The following MUCL1 variants were observed in gnomAD, a reference collection of about 807,000 sequenced individuals.
MUCL1 encodes the protein mucin like 1.
Under a neutral mutation model 9.2 loss-of-function variants are expected in MUCL1, and 11 were observed. The ratio of observed to expected loss-of-function variants is 1.19; its 90% CI spans 0.75 to 1.97. The LOEUF (loss-of-function observed/expected upper bound fraction) is 1.97, where lower values mean the gene tolerates loss of function less well. Among genes scored for constraint, MUCL1 ranks in the 30% most tolerant of loss-of-function variants. MUCL1 has a pLI of 0.00. For missense variants in MUCL1, 144 were observed against 110.9 expected (o/e 1.30, Z -1.34); for synonymous variants, 48 against 40.5 (o/e 1.19, Z -0.71).
upstream of MUCL1, among the ~76,000 whole-genome samples, chr12:54,838,144 AGCATTT>A: frequency 6.6e-6 from 1 of 152,204 alleles, no homozygotes; most frequent in East Asian, 1.9e-4. Context: ...AAACTCCCTC[AGCATTT>A]GCTTGTCTGA....
intron 1 of MUCL1, among the ~76,000 whole-genome samples, chr12:54,848,304 G>C (rs1368776698): frequency 2.0e-5 from 3 of 152,188 alleles, no homozygotes; most frequent in African/African-American, 7.2e-5. Context: ...CTACATTAGA[G>C]TGTGCAGTAA....
chr12:54,841,383 G>A (rs556075090), intron 1 of MUCL1, among the ~76,000 whole-genome samples: 2 of 152,208 alleles, frequency 1.3e-5, no homozygotes, highest in Middle Eastern at 3.4e-3. Context: ...GGGTCATATG[G>A]TAGTTATTTT....
upstream of MUCL1, among the ~76,000 whole-genome samples, chr12:54,853,218 G>A (rs774105539): frequency 1.3e-5 from 2 of 152,184 alleles, no homozygotes; most frequent in African/African-American, 4.8e-5. Flanking sequence ...GAACTTTAAA[G>A]CAAGGGAAAT....
upstream of MUCL1, among the ~76,000 whole-genome samples, chr12:54,852,796 C>T (rs186263021): frequency 3.9e-4 from 59 of 152,232 alleles, no homozygotes; most frequent in Admixed American, 2.5e-3. Flanking sequence ...TTATTCCCTA[C>T]GGGGTATAAT....
chr12:54,849,498 T>G (rs1959305358), intron 1 of MUCL1, among the ~76,000 whole-genome samples: 1 of 152,062 alleles, frequency 6.6e-6, no homozygotes, highest in Admixed American at 6.6e-5. Context: ...AGAGCAGTAG[T>G]AAAAAGTTTT....
intron 3 of MUCL1, 29 bp from the exon 4 acceptor site, chr12:54,858,164 C>T (rs769091768): frequency 2.5e-6 from 4 of 1,612,380 alleles, no homozygotes; most frequent in Non-Finnish European, 3.4e-6. Context: ...TTTGTCGAAG[C>T]CCCTTGACAA....
intron 1 of MUCL1, among the ~76,000 whole-genome samples, chr12:54,832,045 T>C (rs1292936793): frequency 6.6e-6 from 1 of 152,062 alleles, no homozygotes; most frequent in Non-Finnish European, 1.5e-5. Flanking sequence ...TGTGTTTTTG[T>C]TAAGGGAAAA....
intron 1 of MUCL1, among the ~76,000 whole-genome samples, chr12:54,832,289 A>G (rs988379162): frequency 5.3e-5 from 8 of 152,142 alleles, no homozygotes; most frequent in Non-Finnish European, 1.0e-4. Flanking sequence ...TCTTTCTGTT[A>G]AAAAGACAAA....
chr12:54,852,167 A>C (rs1868254965), upstream of MUCL1, among the ~76,000 whole-genome samples: 1 of 152,220 alleles, frequency 6.6e-6, no homozygotes, highest in Admixed American at 6.5e-5. Flanking sequence ...TTTAAAGTTC[A>C]TATGGAAGCA....
intron 1 of MUCL1, among the ~76,000 whole-genome samples, chr12:54,848,362 T>C (rs1273903182): frequency 6.6e-6 from 1 of 152,152 alleles, no homozygotes; most frequent in African/African-American, 2.4e-5. Flanking sequence ...GGATTAATAA[T>C]AGATATGATT....
At chr12:54,843,947 T>C (rs1337468669) in intron 1 of MUCL1, among the ~76,000 whole-genome samples, 1 of 152,212 alleles carries the variant, frequency 6.6e-6, no homozygotes, top group Non-Finnish European at 1.5e-5. Context: ...ATATTGATCC[T>C]ATCTTGCATT....
chr12:54,847,408 G>A (rs1341907506), intron 1 of MUCL1, among the ~76,000 whole-genome samples: 1 of 152,148 alleles, frequency 6.6e-6, no homozygotes, highest in East Asian at 1.9e-4. Flanking sequence ...CTGAGGTCAG[G>A]AGTTCAAGAC....
At chr12:54,845,731 G>C (rs1866431964) in intron 1 of MUCL1, among the ~76,000 whole-genome samples, 1 of 152,100 alleles carries the variant, frequency 6.6e-6, no homozygotes, top group Non-Finnish European at 1.5e-5. Context: ...AACTGGACTG[G>C]ACTGGTTCTG....
At position 54,856,812 on chromosome 12, in the gene MUCL1, C is replaced by T. The variant is rs540816405; in HGVS notation, c.143C>T (p.Ala48Val). 1.2e-6 allele frequency: 2 copies of T among 1,612,894 alleles called. No homozygotes were observed. The highest frequency in any genetic ancestry group is 8.5e-7 in the Non-Finnish European group (1 of 1,179,312). ...DDEAPDAETT[A>V]AATTATTAAP... ...GAAGCCCCTGATGCTGAAACCACTG[C>T]TGCTGCAACCACTGCAACCACTGCT... is the stretch of plus-strand genomic sequence containing the variant. Residue 48 changes from alanine (A) to valine (V), a missense_variant, in exon 3 of 4, where the codon GCT becomes GTT. By Grantham distance (64) the Ala-to-Val change is moderately conservative. Coordinates refer to ENST00000308796, the MANE Select transcript of MUCL1 (RefSeq NM_058173.3).
upstream of MUCL1, chr12:54,839,221 G>A (rs554616630): frequency 6.6e-6 from 4 of 601,998 alleles, no homozygotes; most frequent in African/African-American, 7.4e-5. Context: ...GAGAGTCTTT[G>A]TATAGTGGCT....
upstream of MUCL1, among the ~76,000 whole-genome samples, chr12:54,837,859 A>C (rs76432100): frequency 2.1e-3 from 327 of 152,376 alleles, 1 homozygote; most frequent in East Asian, 0.042. Flanking sequence ...GTGATTTTTT[A>C]ATACGTTCTG....
In MUCL1 at chr12:54,858,232, T is replaced by A; in HGVS notation, c.263T>A (p.Val88Glu). The A allele has an allele frequency of 3.7e-6, 6 of 1,613,504 alleles. No homozygotes were observed. Among genetic ancestry groups the A allele is most frequent in the South Asian group, 2.2e-5 (2 of 91,064 alleles). ...KWVGDLPNGR[V>E]CP ...GTTGGGGATCTCCCGAATGGTAGAGTGTGTCCCTGAGATGGAATCAGCTTG... is the reference window on the plus strand; with the variant it reads ...GTTGGGGATCTCCCGAATGGTAGAGAGTGTCCCTGAGATGGAATCAGCTTG... The change falls in exon 4 of 4, where the codon GTG becomes GAG. Residue 88 changes from valine (V) to glutamate (E), a missense_variant. By Grantham distance (121) the Val-to-Glu change is moderately radical. Coordinates refer to ENST00000308796, the MANE Select transcript of MUCL1 (RefSeq NM_058173.3).
At chr12:54,854,758 C>T (rs1415864977) in intron 1 of MUCL1, 118 bp downstream of exon 1, 2 of 844,538 alleles carry the variant, frequency 2.4e-6, no homozygotes, top group Non-Finnish European at 3.7e-6. Context: ...CTAACTTGTT[C>T]TATCACCATT....
At position 54,831,252 on chromosome 12, in the gene MUCL1, A is replaced by G. The variant is rs865803680; in HGVS notation, n.357+377A>G. ...TTAATTTATGCAATTTCTTAGAGGA[A>G]TTCTATGCAAATTGACTTAGAGATA... On this transcript the variant is annotated intron_variant and non_coding_transcript_variant, in intron 1 of 3. Transcript: ENST00000547990. Among the ~76,000 whole-genome samples the G allele has an allele frequency of 4.7e-4, 71 of 152,310 alleles. 1 individual carries two copies. Among genetic ancestry groups the G allele is most frequent in the African/African-American group, 1.7e-3 (70 of 41,580 alleles).
Sources: allele counts gnomAD v4.1 joint callset (sites outside exome capture counted in the v4.1 genomes callset), GRCh38; gene constraint gnomAD v4.1.1; transcripts MANE v1.5; gene names NCBI Gene and HGNC (gene_info 2026-07-23, HGNC 2026-07-21).